The following PLCE1 variants were observed in gnomAD, a reference collection of about 807,000 sequenced individuals.
PLCE1 encodes phospholipase C epsilon 1.
A neutral mutation model predicts 242.8 loss-of-function variants in PLCE1; 119 were observed. That is an observed-to-expected ratio of 0.49 (90% CI 0.42 to 0.57). PLCE1 has a LOEUF of 0.57. Ranked by LOEUF, PLCE1 falls within the 20% of genes least tolerant of loss-of-function variation. The pLI is 0.00. For missense variants in PLCE1, 2,441 were observed against 2,788.8 expected (o/e 0.88, Z 2.81); for synonymous variants, 945 against 1,017.4 (o/e 0.93, Z 1.35).
intron 17 of PLCE1, among the ~76,000 whole-genome samples, chr10:94,269,674 T>C (rs1311642156): frequency 6.6e-6 from 1 of 152,220 alleles, no homozygotes; most frequent in Admixed American, 6.5e-5. Flanking sequence ...TTTCCTGCTA[T>C]AGGAATTAAT....
intron 28 of PLCE1, 115 bp from the exon 29 acceptor site, chr10:94,316,432 A>G: frequency 1.4e-6 from 1 of 707,668 alleles, no homozygotes; most frequent in South Asian, 1.5e-5. Context: ...ATTATGCAAT[A>G]CTCTAGAGTA....
chr10:94,213,183 T>G (rs562972095), intron 4 of PLCE1, among the ~76,000 whole-genome samples: 7 of 152,352 alleles, frequency 4.6e-5, no homozygotes, highest in Non-Finnish European at 7.3e-5. Flanking sequence ...GTGGGACACA[T>G]CCAGCATTTT....
rs558107780 is a variant in PLCE1, at chr10:94,247,785, A to G, written c.3096+1164A>G. ...CTACGTTATCAGGTACTCTAACACTATAGTTTAGCGTGGCAACAGGGCTGG... is the reference window on the plus strand; with the variant it reads ...CTACGTTATCAGGTACTCTAACACTGTAGTTTAGCGTGGCAACAGGGCTGG... On this transcript the variant is annotated intron_variant, in intron 8 of 32. Transcript: ENST00000371380. Among the ~76,000 whole-genome samples the G allele has an allele frequency of 5.3e-5, 8 of 152,314 alleles. No homozygotes were observed. In the East Asian group the frequency reaches 5.8e-4, roughly 11 times the overall value.
chr10:94,179,512 G>GTTTTTTTTTTTTTTTTTT (rs1554877545), intron 4 of PLCE1, among the ~76,000 whole-genome samples: 1,170 of 19,044 alleles, frequency 0.061, 98 homozygotes, highest in South Asian at 0.081. Flanking sequence ...TTTTAGTTTA[G>GTTTTTTTTTTTTTTTTTT]TTTTTTTTTT....
chr10:94,259,721 CAACCA>C (rs1380086999), intron 13 of PLCE1, among the ~76,000 whole-genome samples: 19 of 152,254 alleles, frequency 1.2e-4, no homozygotes, highest in African/African-American at 4.6e-4. Flanking sequence ...GTCATTCTGA[CAACCA>C]AAAACCCTTT....
chr10:94,235,959 G>A lies in PLCE1; in HGVS notation c.2259G>A (p.Val753=), dbSNP rs779853064. 1.9e-6 allele frequency: 3 copies of A among 1,613,864 alleles called. No individual in the cohort carries two copies. The change falls in exon 7 of 33, where the codon GTG becomes GTA. Residue 753 remains valine, a synonymous_variant. Coordinates refer to ENST00000371380, the MANE Select transcript of PLCE1 (RefSeq NM_016341.4). ...GACAAGATAATTTCTTACAACGAGT[G>A]GGACAAAATGGCTTAAAGAATTCGG... The part of the protein sequence containing the change: ...YSGQDNFLQR[V]GQNGLKNSEK...
At chr10:94,200,464 A>G (rs540078947) in intron 4 of PLCE1, among the ~76,000 whole-genome samples, 31 of 152,340 alleles carry the variant, frequency 2.0e-4, no homozygotes, top group Non-Finnish European at 4.4e-4. Flanking sequence ...AATATATTAT[A>G]ACCAAAAGTA....
At chr10:94,257,065 C>A (rs1458612650) in intron 11 of PLCE1, among the ~76,000 whole-genome samples, 1 of 152,166 alleles carries the variant, frequency 6.6e-6, no homozygotes, top group African/African-American at 2.4e-5. Flanking sequence ...CTGCACTACA[C>A]TGGGGATCGA....
At chr10:94,192,394 C>T (rs985613554) in intron 4 of PLCE1, among the ~76,000 whole-genome samples, 5 of 152,172 alleles carry the variant, frequency 3.3e-5, no homozygotes, top group East Asian at 1.9e-4. Flanking sequence ...ATCTTTATGT[C>T]CATGTGTACC....
In PLCE1 at chr10:94,030,790, G is replaced by T. The variant is rs2061542306; in HGVS notation, c.-257G>T. 8.1e-6 allele frequency: 4 copies of T among 492,272 alleles called. No individual in the cohort carries two copies. The highest frequency in any genetic ancestry group is 1.5e-5 in the Non-Finnish European group (4 of 275,360). 30.5% of individuals were successfully genotyped at this position (492,272 alleles called of 1,614,324 possible). ...AAAGTCTTCAAAAAATTTTGCTTCAGGTAACAGAGGAAGGAAAATTGATCT... is the reference window on the plus strand; with the variant it reads ...AAAGTCTTCAAAAAATTTTGCTTCATGTAACAGAGGAAGGAAAATTGATCT... On this transcript the variant is annotated 5_prime_UTR_variant, in exon 2 of 33. The change creates a new upstream start codon in the 5' untranslated region. Transcript: ENST00000371380.
intron 2 of PLCE1, among the ~76,000 whole-genome samples, chr10:94,058,637 C>G (rs2043967860): frequency 6.6e-6 from 1 of 152,118 alleles, no homozygotes; most frequent in Admixed American, 6.6e-5. Context: ...CATCTAAACC[C>G]TGGGTGATGA....
At chr10:94,137,272 C>T (rs2046811850) in intron 3 of PLCE1, among the ~76,000 whole-genome samples, 1 of 152,194 alleles carries the variant, frequency 6.6e-6, no homozygotes, top group Non-Finnish European at 1.5e-5. Flanking sequence ...TCAGGACTAA[C>T]ACCTTATAGC....
intron 4 of PLCE1, among the ~76,000 whole-genome samples, chr10:94,217,686 C>A (rs889882089): frequency 7.9e-5 from 12 of 152,226 alleles, no homozygotes; most frequent in Admixed American, 5.2e-4. Context: ...TGAAAATATT[C>A]TCCCTAGTTG....
chr10:94,170,110 T>C (rs564811199), intron 3 of PLCE1, among the ~76,000 whole-genome samples: 1 of 152,322 alleles, frequency 6.6e-6, no homozygotes, highest in South Asian at 2.1e-4. Context: ...AGTCAGAGAA[T>C]ACTGAGGTCT....
intron 30 of PLCE1, among the ~76,000 whole-genome samples, chr10:94,322,266 A>G (rs2053839016): frequency 6.6e-6 from 1 of 151,800 alleles, no homozygotes. Flanking sequence ...AGGCAGGAGG[A>G]TTACTTGAGC....
intron 2 of PLCE1, among the ~76,000 whole-genome samples, chr10:94,048,976 C>T (rs2043686845): frequency 6.6e-6 from 1 of 151,794 alleles, no homozygotes; most frequent in Admixed American, 6.6e-5. Flanking sequence ...GTTGCCTAGG[C>T]TGGTCTTGAA....
At chr10:94,073,574 C>G (rs111540283) in intron 2 of PLCE1, among the ~76,000 whole-genome samples, 200 of 152,286 alleles carry the variant, frequency 1.3e-3, no homozygotes, top group African/African-American at 4.7e-3. Context: ...TAAATAGAAG[C>G]CAATCGATCA....
At chr10:94,085,475 T>A (rs145702634) in intron 2 of PLCE1, among the ~76,000 whole-genome samples, 1 of 152,110 alleles carries the variant, frequency 6.6e-6, no homozygotes, top group Non-Finnish European at 1.5e-5. Context: ...TATTTTGGAA[T>A]GTGTTTGGGG....
intron 7 of PLCE1, among the ~76,000 whole-genome samples, chr10:94,241,820 G>A (rs2050515451): frequency 6.6e-6 from 1 of 150,924 alleles, no homozygotes; most frequent in South Asian, 2.1e-4. Flanking sequence ...CCCTCTAGAG[G>A]AACAGCTGGG....
Sources: allele counts gnomAD v4.1 joint callset (sites outside exome capture counted in the v4.1 genomes callset), GRCh38; gene constraint gnomAD v4.1.1; transcripts MANE v1.5; gene names NCBI Gene and HGNC (gene_info 2026-07-23, HGNC 2026-07-21).